The following ATP8A1 variants were observed in gnomAD, a reference collection of about 807,000 sequenced individuals.
The protein encoded by ATP8A1 is phospholipid-transporting ATPase IA.
A neutral mutation model predicts 177.7 loss-of-function variants in ATP8A1; 90 were observed. That is an observed-to-expected ratio of 0.51 (90% CI 0.43 to 0.60). The LOEUF (loss-of-function observed/expected upper bound fraction) is 0.60. Ranked by LOEUF, ATP8A1 falls within the 20% of genes least tolerant of loss-of-function variation. ATP8A1 has a pLI of 0.00. For missense variants in ATP8A1, 1,072 were observed against 1,392.8 expected (o/e 0.77, Z 3.67); for synonymous variants, 493 against 485.9 (o/e 1.01, Z -0.19).
At chr4:42,522,391 A>G in intron 21 of ATP8A1, 92 bp from the exon 22 acceptor site, 1 of 1,445,862 alleles carries the variant, frequency 6.9e-7, no homozygotes, top group Non-Finnish European at 9.4e-7. Flanking sequence ...TCCCATTTTG[A>G]AAAAAGTGAT....
chr4:42,604,237 C>A (rs1735574424), intron 5 of ATP8A1, among the ~76,000 whole-genome samples: 1 of 152,198 alleles, frequency 6.6e-6, no homozygotes, highest in South Asian at 2.1e-4. Context: ...TTCCTCCTCA[C>A]CCCCAAATCT....
Position 42,549,173 on chromosome 4 carries a change from T to C in ATP8A1, c.1603-111A>G. On this transcript the variant is annotated intron_variant, in intron 18 of 36. Coordinates refer to ENST00000381668, the MANE Select transcript of ATP8A1 (RefSeq NM_006095.2). Reference sequence around the variant, plus strand: ...GTAAAAAATGCCAACACAAACAAATTTTCCCTGCTGAAATATGGAAGGGAG... The same window carrying C: ...GTAAAAAATGCCAACACAAACAAATCTTCCCTGCTGAAATATGGAAGGGAG... The C allele has an allele frequency of 3.7e-6, 3 of 811,468 alleles. No homozygotes were observed. The East Asian group carries it at 7.8e-5, about 21-fold the overall frequency. 50.3% of individuals were successfully genotyped at this position (811,468 alleles called of 1,614,324 possible).
At chr4:42,485,745 G>A (rs1235564458) in intron 24 of ATP8A1, 77 bp from the exon 25 acceptor site, 3 of 1,229,272 alleles carry the variant, frequency 2.4e-6, no homozygotes, top group Non-Finnish European at 3.4e-6. Flanking sequence ...AGGATATTTG[G>A]CAACTACATT....
intron 24 of ATP8A1, among the ~76,000 whole-genome samples, chr4:42,499,640 A>C (rs913802006): frequency 6.6e-6 from 1 of 152,234 alleles, no homozygotes; most frequent in Admixed American, 6.5e-5. Context: ...TTTTTCTCCC[A>C]CAAGAGGAAA....
chr4:42,652,575 A>G lies in ATP8A1; in HGVS notation c.49+4250T>C, dbSNP rs185796194. Reference sequence around the variant, plus strand: ...AGCAAAGTCCTATAATATGATTGCTATGATTTGGCTGTGTCCCCACCCAAA... The same window carrying G: ...AGCAAAGTCCTATAATATGATTGCTGTGATTTGGCTGTGTCCCCACCCAAA... On this transcript the variant is annotated intron_variant, in intron 1 of 36. Transcript: ENST00000381668. 1.0e-3 allele frequency among the ~76,000 whole-genome samples: 153 copies of G among 152,282 alleles called. No homozygotes were observed. The East Asian group carries it at 0.023, about 23-fold the overall frequency.
At chr4:42,551,152 A>G in intron 18 of ATP8A1, 46 bp downstream of exon 18, 1 of 1,466,072 alleles carries the variant, frequency 6.8e-7, no homozygotes, top group Non-Finnish European at 9.6e-7. Flanking sequence ...AAGCTATGCA[A>G]ATGTATTACT....
In ATP8A1 at chr4:42,485,630, A is replaced by G. The variant is rs1481228060; in HGVS notation, c.2190T>C (p.Leu730=). 1.9e-6 allele frequency: 3 copies of G among 1,613,632 alleles called. No homozygotes were observed. The Admixed American group carries it at 5.0e-5, about 27-fold the overall frequency. ...RETLSRHCTT[L]GDALRKENDF... ...CATTCTCTTTCCGGAGAGCATCACCAAGGGTAGTACAGTGACGACTGAGAG... is the reference window on the plus strand; with the variant it reads ...CATTCTCTTTCCGGAGAGCATCACCGAGGGTAGTACAGTGACGACTGAGAG... Residue 730 remains leucine (L), a synonymous_variant, in exon 25 of 37, where the codon CTT becomes CTC. Coordinates refer to ENST00000381668, the MANE Select transcript of ATP8A1 (RefSeq NM_006095.2).
At chr4:42,457,794 A>C (rs1446057465) in intron 27 of ATP8A1, among the ~76,000 whole-genome samples, 1 of 152,218 alleles carries the variant, frequency 6.6e-6, no homozygotes, top group Non-Finnish European at 1.5e-5. Flanking sequence ...TTCAAATTTG[A>C]AATAATTTGC....
At position 42,443,562 on chromosome 4, in the gene ATP8A1, TA is replaced by T; in HGVS notation, c.3123+2del. On this transcript the variant is annotated splice_donor_variant, in intron 33 of 36. Transcript: ENST00000381668. LOFTEE classifies it high-confidence loss of function. ...TGGATTGTGAGTTATTAGCGCACATTACCTCTCCTGACATATCAGGGGCCAT... is the reference window on the plus strand; with the variant it reads ...TGGATTGTGAGTTATTAGCGCACATTCCTCTCCTGACATATCAGGGGCCAT... The T allele has an allele frequency of 8.8e-7, 1 of 1,135,988 alleles. No homozygotes were observed. The highest frequency in any genetic ancestry group is 1.3e-6 in the Non-Finnish European group (1 of 744,246). 70.4% of individuals were successfully genotyped at this position (1,135,988 alleles called of 1,614,324 possible).
Position 42,408,517 on chromosome 4 carries a change from CTA to C in ATP8A1, c.*4397_*4398del, listed in dbSNP as rs762143714. 3.9e-5 allele frequency: 6 copies of C among 152,280 alleles called. No homozygotes were observed. In the East Asian group the frequency reaches 1.2e-3, roughly 29 times the overall value. 9.4% of individuals were successfully genotyped at this position (152,280 alleles called of 1,614,324 possible). ...AAATAATATTACTCAATTTTAATAA[CTA>C]TAAAACACAGTGCATCAAACATCAA... On this transcript the variant is annotated 3_prime_UTR_variant, in exon 37 of 37. Coordinates refer to ENST00000381668, the MANE Select transcript of ATP8A1 (RefSeq NM_006095.2).
intron 10 of ATP8A1, among the ~76,000 whole-genome samples, chr4:42,580,223 A>G (rs1050997125): frequency 3.3e-5 from 5 of 152,202 alleles, no homozygotes; most frequent in Non-Finnish European, 5.9e-5. Flanking sequence ...AGAGAACGAA[A>G]TTACATTCCC....
intron 31 of ATP8A1, among the ~76,000 whole-genome samples, chr4:42,445,298 C>T (rs888756345): frequency 2.0e-5 from 3 of 152,206 alleles, no homozygotes; most frequent in Non-Finnish European, 2.9e-5. Context: ...GACGTTATCA[C>T]TTAGCTATTG....
At chr4:42,570,552 C>T (rs577013772) in intron 14 of ATP8A1, among the ~76,000 whole-genome samples, 94 of 152,264 alleles carry the variant, frequency 6.2e-4, no homozygotes, top group Non-Finnish European at 1.1e-3. Flanking sequence ...CCAAGTCATG[C>T]AGCTTAAAAG....
intron 22 of ATP8A1, among the ~76,000 whole-genome samples, chr4:42,514,161 T>C (rs954756418): frequency 6.6e-6 from 1 of 152,212 alleles, no homozygotes; most frequent in Admixed American, 6.5e-5. Flanking sequence ...GGCCAAGAAA[T>C]AGATTTTAAC....
chr4:42,615,424 T>C (rs992188594), intron 5 of ATP8A1, among the ~76,000 whole-genome samples: 3 of 152,086 alleles, frequency 2.0e-5, no homozygotes, highest in African/African-American at 7.2e-5. Context: ...TGAGCTAAGA[T>C]GTCTGTTTCT....
intron 22 of ATP8A1, among the ~76,000 whole-genome samples, chr4:42,513,933 G>A (rs887205006): frequency 2.6e-5 from 4 of 152,178 alleles, no homozygotes; most frequent in Non-Finnish European, 5.9e-5. Context: ...GGGATTCTCA[G>A]AGGCATTCTA....
At chr4:42,575,566 C>T in intron 13 of ATP8A1, 56 bp downstream of exon 13, 1 of 1,462,912 alleles carries the variant, frequency 6.8e-7, no homozygotes, top group Non-Finnish European at 9.6e-7. Flanking sequence ...ATGGCAGATA[C>T]CACACCAAAT....
chr4:42,431,004 C>T (rs1715231103), intron 33 of ATP8A1, among the ~76,000 whole-genome samples: 1 of 152,150 alleles, frequency 6.6e-6, no homozygotes, highest in Non-Finnish European at 1.5e-5. Context: ...ACAGTCCAGC[C>T]TGCTGTATAA....
At chr4:42,632,941 G>A (rs1022884023) in intron 1 of ATP8A1, among the ~76,000 whole-genome samples, 3 of 152,198 alleles carry the variant, frequency 2.0e-5, no homozygotes, top group Non-Finnish European at 4.4e-5. Flanking sequence ...ATTAATATCT[G>A]CTGAGCAGCA....
Sources: gnomAD v4.1 joint callset for allele counts (sites outside exome capture counted in the v4.1 genomes callset) on GRCh38, gnomAD v4.1.1 for gene constraint, MANE v1.5 for transcripts, NCBI Gene and HGNC (gene_info 2026-07-23, HGNC 2026-07-21) for gene names.